OSBPL8: variants seen among roughly 807,000 people sequenced by gnomAD.
The protein encoded by OSBPL8 is oxysterol-binding protein-related protein 8.
A neutral mutation model predicts 125.5 loss-of-function variants in OSBPL8; 59 were observed. The observed-to-expected ratio is 0.47, with a 90% CI of 0.38 to 0.58. The LOEUF is 0.58. Ranked by LOEUF, OSBPL8 falls within the 20% of genes least tolerant of loss-of-function variation. The pLI is 0.00. For synonymous variants in OSBPL8, 330 were observed against 338.9 expected (o/e 0.97, Z 0.29); for missense variants, 758 against 1,047.8 (o/e 0.72, Z 3.82).
intron 2 of OSBPL8, among the ~76,000 whole-genome samples, chr12:76,480,527 T>TA (rs1877359028): frequency 6.6e-6 from 1 of 152,218 alleles, no homozygotes; most frequent in Admixed American, 6.5e-5. Context: ...TACAAACTGT[T>TA]AGAGTTAGCA....
chr12:76,504,297 C>T (rs1880201622), intron 1 of OSBPL8, among the ~76,000 whole-genome samples: 1 of 151,904 alleles, frequency 6.6e-6, no homozygotes, highest in East Asian at 1.9e-4. Flanking sequence ...CTGACTAATC[C>T]AATATATATG....
intron 2 of OSBPL8, among the ~76,000 whole-genome samples, chr12:76,475,015 AG>A (rs1876630938): frequency 6.6e-6 from 1 of 152,228 alleles, no homozygotes; most frequent in Non-Finnish European, 1.5e-5. Context: ...CTAGAAAGAC[AG>A]GTAGAGATTT....
At chr12:76,386,300 C>G (rs1191014638) in intron 13 of OSBPL8, 34 bp from the exon 14 acceptor site, 1 of 1,563,474 alleles carries the variant, frequency 6.4e-7, no homozygotes, top group Non-Finnish European at 8.6e-7. Flanking sequence ...TTTCAAATTA[C>G]AAATACAAAG....
chr12:76,366,104 T>C (rs1952404180), intron 21 of OSBPL8, among the ~76,000 whole-genome samples: 1 of 152,248 alleles, frequency 6.6e-6, no homozygotes, highest in Non-Finnish European at 1.5e-5. Context: ...CCTCAGAGAA[T>C]AAGTTAGGAA....
chr12:76,523,192 G>A (rs1045363368), intron 1 of OSBPL8, among the ~76,000 whole-genome samples: 7 of 152,104 alleles, frequency 4.6e-5, no homozygotes, highest in African/African-American at 1.7e-4. Flanking sequence ...GTGTTAACCT[G>A]TATTATCTGC....
chr12:76,459,456 G>A (rs577834284), intron 3 of OSBPL8, among the ~76,000 whole-genome samples: 79 of 152,204 alleles, frequency 5.2e-4, no homozygotes, highest in African/African-American at 1.7e-3. Flanking sequence ...AACAATTTTC[G>A]TAATCAAATT....
intron 4 of OSBPL8, among the ~76,000 whole-genome samples, chr12:76,447,296 A>ATCT (rs1484573406): frequency 6.6e-6 from 1 of 152,164 alleles, no homozygotes; most frequent in South Asian, 2.1e-4. Flanking sequence ...AAATCTACCA[A>ATCT]TCTTGTATCA....
intron 4 of OSBPL8, among the ~76,000 whole-genome samples, chr12:76,437,515 T>C (rs1272431626): frequency 1.3e-5 from 2 of 152,230 alleles, no homozygotes; most frequent in African/African-American, 4.8e-5. Flanking sequence ...GGTTAATCCA[T>C]AGGAGTACTT....
intron 1 of OSBPL8, among the ~76,000 whole-genome samples, chr12:76,549,783 C>T (rs1397215369): frequency 2.0e-5 from 3 of 152,126 alleles, no homozygotes; most frequent in Admixed American, 2.0e-4. Context: ...CAATATTGTA[C>T]CCAGCCAAAT....
intron 1 of OSBPL8, among the ~76,000 whole-genome samples, chr12:76,535,609 C>T (rs577153253): frequency 3.3e-5 from 5 of 152,162 alleles, no homozygotes; most frequent in East Asian, 3.9e-4. Flanking sequence ...GCTTCATTTA[C>T]AATAACCGAA....
At chr12:76,541,050 G>A (rs926029891) in intron 1 of OSBPL8, among the ~76,000 whole-genome samples, 2 of 152,102 alleles carry the variant, frequency 1.3e-5, no homozygotes, top group Non-Finnish European at 2.9e-5. Flanking sequence ...TCATACCAAC[G>A]GCTACTATCC....
chr12:76,369,654 C>T lies in OSBPL8; in HGVS notation c.2223G>A (p.Trp741Ter). 2 of 1,613,290 alleles carry T rather than the reference C, an allele frequency of 1.2e-6. No homozygotes were observed. The highest frequency in any genetic ancestry group is 1.7e-6 in the Non-Finnish European group (2 of 1,179,490). The part of the protein sequence containing the change: ...LFELDPLTGE[W>*]HYKFADTRPW... ...TTACTTACTCTGCAAACTTGTAATG[C>T]CATTCTCCTGTGAGTGGATCAAGTT... Residue 741 changes from tryptophan (W) to a stop codon, truncating the protein, a stop_gained, in exon 20 of 24, where the codon TGG (tryptophan) becomes TGA (stop). Coordinates refer to ENST00000261183, the MANE Select transcript of OSBPL8 (RefSeq NM_020841.5). LOFTEE classifies it high-confidence loss of function.
At chr12:76,378,137 C>A (rs1404666577) in intron 16 of OSBPL8, among the ~76,000 whole-genome samples, 1 of 152,076 alleles carries the variant, frequency 6.6e-6, no homozygotes, top group Non-Finnish European at 1.5e-5. Flanking sequence ...ATCATCTTTA[C>A]AGATTCTGAA....
chr12:76,380,522 C>G (rs965672080), intron 15 of OSBPL8, among the ~76,000 whole-genome samples: 3 of 108,948 alleles, frequency 2.8e-5, no homozygotes, highest in Non-Finnish European at 5.3e-5. Flanking sequence ...TAGTGAGACA[C>G]TGTCCCAAAA....
At chr12:76,487,437 A>T in intron 2 of OSBPL8, 73 bp downstream of exon 2, 2 of 1,311,630 alleles carry the variant, frequency 1.5e-6, no homozygotes, top group South Asian at 1.4e-5. Flanking sequence ...TATTTTAAAA[A>T]CAAAACCCTA....
At chr12:76,419,227 C>T (rs1869147882) in intron 4 of OSBPL8, among the ~76,000 whole-genome samples, 1 of 152,056 alleles carries the variant, frequency 6.6e-6, no homozygotes, top group Admixed American at 6.6e-5. Flanking sequence ...CAGAGCGAGA[C>T]TCCATCTCAA....
rs551446754 is a variant in OSBPL8 at position 76,479,182 on chromosome 12, T to C, written c.42+8328A>G. Among the ~76,000 whole-genome samples, 6 of 152,320 alleles carry C rather than the reference T, an allele frequency of 3.9e-5. No homozygotes were observed. In the South Asian group the frequency reaches 1.2e-3, roughly 32 times the overall value. On this transcript the variant is annotated intron_variant, in intron 2 of 23. Coordinates refer to ENST00000261183, the MANE Select transcript of OSBPL8 (RefSeq NM_020841.5). Reference sequence around the variant, plus strand: ...AATACCTAACAAAATGTAGATTGGATTGTACATTTTAAAATAACTAAATGA... The same window carrying C: ...AATACCTAACAAAATGTAGATTGGACTGTACATTTTAAAATAACTAAATGA...
chr12:76,418,117 G>A (rs1868966312), intron 4 of OSBPL8, among the ~76,000 whole-genome samples: 1 of 145,832 alleles, frequency 6.9e-6, no homozygotes, highest in African/African-American at 2.5e-5. Context: ...CCGGGTTCAA[G>A]CAATTAGCCT....
At chr12:76,442,983 G>C (rs1039090604) in intron 4 of OSBPL8, among the ~76,000 whole-genome samples, 16 of 152,114 alleles carry the variant, frequency 1.1e-4, no homozygotes, top group African/African-American at 3.6e-4. Context: ...TATTTTTAGT[G>C]CTGCTAGAGC....
Sources: allele counts gnomAD v4.1 joint callset (sites outside exome capture counted in the v4.1 genomes callset), GRCh38; gene constraint gnomAD v4.1.1; transcripts MANE v1.5; gene names NCBI Gene and HGNC (gene_info 2026-07-23, HGNC 2026-07-21).